Variants in INSYN2B observed in about 807,000 individuals in gnomAD.
The protein encoded by INSYN2B is protein INSYN2B.
INSYN2B carries 16 observed loss-of-function variants against 41.2 expected under a neutral mutation model. That is an observed-to-expected ratio of 0.39 (90% confidence interval 0.26 to 0.59). The LOEUF is 0.59. Ranked by LOEUF, INSYN2B falls within the 20% of genes least tolerant of loss-of-function variation. The probability of loss-of-function intolerance (pLI) is 0.57; values close to 1 mark genes in which losing one functional copy is unlikely to be tolerated. For missense variants in INSYN2B, 608 were observed against 646.4 expected (o/e 0.94, Z 0.64); for synonymous variants, 245 against 244.4 (o/e 1.00, Z -0.02).
intron 1 of INSYN2B, among the ~76,000 whole-genome samples, chr5:169,976,928 G>A (rs1007171846): frequency 5.3e-5 from 8 of 152,206 alleles, no homozygotes; most frequent in Non-Finnish European, 8.8e-5. Context: ...CATGTAGCAG[G>A]CCACATGAAC....
In INSYN2B at chr5:169,971,399, A is replaced by G. The variant is rs536563570; in HGVS notation, c.-919+8878T>C. Reference sequence around the variant, plus strand: ...ACGTGAGCCCTAGGAATGGACTTCCACTTCCTTCTGCCCCTTTCCTCCTAG... The same window carrying G: ...ACGTGAGCCCTAGGAATGGACTTCCGCTTCCTTCTGCCCCTTTCCTCCTAG... On this transcript the variant is annotated intron_variant, in intron 1 of 3. Coordinates refer to ENST00000377365, the MANE Select transcript of INSYN2B (RefSeq NM_001129891.3). 1.1e-4 allele frequency among the ~76,000 whole-genome samples: 16 copies of G among 147,436 alleles called. No individual in the cohort carries two copies. The South Asian group carries it at 2.1e-3, about 20-fold the overall frequency.
At chr5:169,895,495 C>T (rs1285461255) in intron 1 of INSYN2B, among the ~76,000 whole-genome samples, 1 of 152,060 alleles carries the variant, frequency 6.6e-6, no homozygotes, top group Admixed American at 6.6e-5. Context: ...TCCCCTGCCC[C>T]TAGAGAAAAG....
intron 3 of INSYN2B, among the ~76,000 whole-genome samples, chr5:169,872,206 G>A (rs1201592719): frequency 6.6e-6 from 1 of 152,192 alleles, no homozygotes; most frequent in Non-Finnish European, 1.5e-5. Flanking sequence ...GTGCACCACT[G>A]ATTTACTGAC....
intron 1 of INSYN2B, among the ~76,000 whole-genome samples, chr5:169,936,113 T>C (rs1404770590): frequency 6.6e-6 from 1 of 152,242 alleles, no homozygotes; most frequent in Middle Eastern, 3.4e-3. Context: ...TGTTAGAAAA[T>C]GTAACAAAAC....
At chr5:169,894,009 T>C (rs1344838142) in intron 1 of INSYN2B, among the ~76,000 whole-genome samples, 1 of 152,220 alleles carries the variant, frequency 6.6e-6, no homozygotes, top group African/African-American at 2.4e-5. Context: ...GGACCTATGC[T>C]CCAGTATAGA....
At chr5:169,897,709 G>A (rs1218690661) in intron 1 of INSYN2B, among the ~76,000 whole-genome samples, 1 of 152,132 alleles carries the variant, frequency 6.6e-6, no homozygotes, top group African/African-American at 2.4e-5. Context: ...CTTGTGACGG[G>A]GTGAGCTCCC....
intron 1 of INSYN2B, among the ~76,000 whole-genome samples, chr5:169,953,038 T>G (rs1287153871): frequency 6.6e-6 from 1 of 152,116 alleles, no homozygotes; most frequent in African/African-American, 2.4e-5. Context: ...AAAAGAGAAT[T>G]TGGGGCCAGG....
chr5:169,953,904 G>C (rs1395876052), intron 1 of INSYN2B, among the ~76,000 whole-genome samples: 1 of 152,210 alleles, frequency 6.6e-6, no homozygotes. Flanking sequence ...GAATAGGAAT[G>C]GTAATTGTAA....
intron 1 of INSYN2B, among the ~76,000 whole-genome samples, chr5:169,886,141 T>A (rs901509377): frequency 2.0e-5 from 3 of 152,206 alleles, no homozygotes; most frequent in African/African-American, 7.2e-5. Flanking sequence ...TTTTTCTTTA[T>A]AAATTACACA....
At chr5:169,902,461 T>C (rs1049714694) in intron 1 of INSYN2B, among the ~76,000 whole-genome samples, 1 of 152,204 alleles carries the variant, frequency 6.6e-6, no homozygotes, top group Admixed American at 6.5e-5. Context: ...GTCATGCTCT[T>C]ATCCACTACG....
intron 3 of INSYN2B, 127 bp from the exon 4 acceptor site, chr5:169,864,586 C>G (rs2113422730): frequency 1.4e-6 from 1 of 738,406 alleles, no homozygotes; most frequent in East Asian, 2.8e-5. Flanking sequence ...CCTTAGGTAC[C>G]TACTGGCTCT....
chr5:169,959,965 G>C (rs539170896), intron 1 of INSYN2B, among the ~76,000 whole-genome samples: 1 of 152,318 alleles, frequency 6.6e-6, no homozygotes, highest in South Asian at 2.1e-4. Flanking sequence ...GTCCAGATAA[G>C]AGTAAATAGG....
At chr5:169,927,832 G>A (rs1775546923) in intron 1 of INSYN2B, among the ~76,000 whole-genome samples, 1 of 152,150 alleles carries the variant, frequency 6.6e-6, no homozygotes. Context: ...TAGCCAGGAT[G>A]GTCTCAATCT....
intron 1 of INSYN2B, among the ~76,000 whole-genome samples, chr5:169,943,071 C>G (rs1261950229): frequency 6.6e-6 from 1 of 152,110 alleles, no homozygotes; most frequent in Non-Finnish European, 1.5e-5. Flanking sequence ...ACCTGCAGGT[C>G]TTTGGAACGC....
chr5:169,903,828 A>G (rs891078679), intron 1 of INSYN2B, among the ~76,000 whole-genome samples: 2 of 151,800 alleles, frequency 1.3e-5, no homozygotes, highest in African/African-American at 4.8e-5. Context: ...AACTGGGCGG[A>G]GTGGCTCATG....
chr5:169,903,297 A>C (rs1774049663), intron 1 of INSYN2B, among the ~76,000 whole-genome samples: 1 of 141,176 alleles, frequency 7.1e-6, no homozygotes, highest in African/African-American at 2.6e-5. Flanking sequence ...TCTAAAAAAC[A>C]ACAACAACAA....
intron 3 of INSYN2B, among the ~76,000 whole-genome samples, chr5:169,874,658 C>T (rs774459927): frequency 1.3e-5 from 2 of 152,080 alleles, no homozygotes; most frequent in African/African-American, 2.4e-5. Context: ...CCGTTCTTAG[C>T]GTTTGGTCCC....
intron 3 of INSYN2B, among the ~76,000 whole-genome samples, chr5:169,879,776 C>A (rs751951028): frequency 6.6e-6 from 1 of 152,164 alleles, no homozygotes; most frequent in Non-Finnish European, 1.5e-5. Context: ...TAAAGACCCT[C>A]ATTTTTCAGA....
At chr5:169,936,547 T>G (rs992582000) in intron 1 of INSYN2B, among the ~76,000 whole-genome samples, 2 of 151,418 alleles carry the variant, frequency 1.3e-5, no homozygotes, top group Non-Finnish European at 2.9e-5. Context: ...GATGGGCATG[T>G]TGGGGAGAAT....
Sources: gnomAD v4.1 joint callset for allele counts (sites outside exome capture counted in the v4.1 genomes callset) on GRCh38, gnomAD v4.1.1 for gene constraint, MANE v1.5 for transcripts, NCBI Gene and HGNC (gene_info 2026-07-23, HGNC 2026-07-21) for gene names.